Variants in ACSL4 observed in about 807,000 individuals in gnomAD.
The protein encoded by ACSL4 is long-chain-fatty-acid--CoA ligase 4.
ACSL4 carries 9 observed loss-of-function variants against 49.1 expected under a neutral mutation model. That is an observed-to-expected ratio of 0.18 (90% CI 0.11 to 0.32). The LOEUF (loss-of-function observed/expected upper bound fraction) is 0.32. ACSL4 is among the 10% of genes least tolerant of loss of function. ACSL4 has a pLI of 1.00. For missense variants in ACSL4, 333 were observed against 493.7 expected (o/e 0.67, Z 3.08); for synonymous variants, 191 against 170.3 (o/e 1.12, Z -0.95).
chrX:109,656,502 A>G (rs759808219), intron 15 of ACSL4, among the ~76,000 whole-genome samples: 2 of 111,022 alleles, frequency 1.8e-5, no homozygotes, highest in South Asian at 7.6e-4. Flanking sequence ...ATCATCTTCT[A>G]TGGTTAGAGG....
chrX:109,721,258 C>T (rs1927527406), intron 1 of ACSL4, among the ~76,000 whole-genome samples: 1 of 112,302 alleles, frequency 8.9e-6, no homozygotes, highest in East Asian at 2.8e-4. Flanking sequence ...ACTAACATAT[C>T]CTGAAGCACA....
At position 109,644,251 on chromosome X, in the gene ACSL4, G is replaced by A. The variant is rs1243544576; in HGVS notation, c.1856-65C>T. 1.1e-5 allele frequency: 11 copies of A among 1,020,972 alleles called. No individual in the cohort carries two copies. The Admixed American group carries it at 1.5e-4, about 14-fold the overall frequency. 84.1% of individuals were successfully genotyped at this position (1,020,972 alleles called of 1,213,427 possible). A position where few individuals can be genotyped will look rare whatever the true frequency, so the allele number is the denominator to read the frequency against. On this transcript the variant is annotated intron_variant, in intron 15 of 15. Transcript: ENST00000672401. Reference sequence around the variant, plus strand: ...GGGAAAGAGACGAGAAAGGAGTGGGGACGGGGAAAGAAGGGGAAGGAGAAG... The same window carrying A: ...GGGAAAGAGACGAGAAAGGAGTGGGAACGGGGAAAGAAGGGGAAGGAGAAG...
At chrX:109,712,806 C>T (rs1393637090) in intron 1 of ACSL4, among the ~76,000 whole-genome samples, 1 of 110,825 alleles carries the variant, frequency 9.0e-6, no homozygotes, top group Non-Finnish European at 1.9e-5. Flanking sequence ...GAAACCTTGT[C>T]TGTACAAAAA....
chrX:109,703,825 G>T (rs929586955), intron 1 of ACSL4, among the ~76,000 whole-genome samples: 1 of 110,417 alleles, frequency 9.1e-6, no homozygotes, highest in Non-Finnish European at 1.9e-5. Context: ...CCAGCTATTC[G>T]GGAGGCTGAG....
At chrX:109,708,183 C>T (rs778648527) in intron 1 of ACSL4, among the ~76,000 whole-genome samples, 12 of 112,282 alleles carry the variant, frequency 1.1e-4, no homozygotes, top group Admixed American at 1.9e-4. Flanking sequence ...TGGGCTCAAG[C>T]GATCCATCTG....
At chrX:109,688,045 CAG>C (rs762262244) in intron 2 of ACSL4, among the ~76,000 whole-genome samples, 1 of 112,053 alleles carries the variant, frequency 8.9e-6, no homozygotes, top group East Asian at 2.8e-4. Flanking sequence ...CTCCCTGATG[CAG>C]AGAGACCACA....
intron 13 of ACSL4, among the ~76,000 whole-genome samples, chrX:109,662,837 T>A (rs978840219): frequency 9.0e-6 from 1 of 111,310 alleles, no homozygotes; most frequent in South Asian, 3.7e-4. Context: ...AACAGTTATA[T>A]AAAATCACAT....
chrX:109,726,880 GTTTT>G (rs1294898010), intron 1 of ACSL4, among the ~76,000 whole-genome samples: 2 of 104,428 alleles, frequency 1.9e-5, no homozygotes, highest in Non-Finnish European at 3.9e-5. Context: ...TTGTTGTTTT[GTTTT>G]TTTTGTTTTT....
chrX:109,726,148 G>A (rs748289736), intron 1 of ACSL4, among the ~76,000 whole-genome samples: 9 of 112,412 alleles, frequency 8.0e-5, no homozygotes, highest in South Asian at 7.3e-4. Flanking sequence ...GGCTTAGCAC[G>A]GTGGCTCACG....
intron 1 of ACSL4, among the ~76,000 whole-genome samples, chrX:109,710,499 G>A (rs1232874648): frequency 9.0e-6 from 1 of 111,645 alleles, no homozygotes; most frequent in Non-Finnish European, 1.9e-5. Context: ...CCAATTTCTA[G>A]AATCTAGATT....
intron 1 of ACSL4, among the ~76,000 whole-genome samples, chrX:109,696,713 T>G (rs1460683025): frequency 8.9e-6 from 1 of 112,956 alleles, no homozygotes; most frequent in Non-Finnish European, 1.9e-5. Flanking sequence ...TTTTTCAATT[T>G]GTAAACACAT....
intron 1 of ACSL4, among the ~76,000 whole-genome samples, chrX:109,720,331 A>G (rs976794279): frequency 1.8e-5 from 2 of 110,854 alleles, no homozygotes; most frequent in Non-Finnish European, 3.8e-5. Flanking sequence ...CTCAAAAAAA[A>G]AAAAGCTACT....
chrX:109,650,435 C>G (rs1321671294), intron 15 of ACSL4, among the ~76,000 whole-genome samples: 5 of 103,029 alleles, frequency 4.9e-5, no homozygotes, highest in African/African-American at 1.8e-4. Context: ...GAACAAAAAA[C>G]CAAACACCGC....
At chrX:109,650,041 G>C (rs1202181048) in intron 15 of ACSL4, among the ~76,000 whole-genome samples, 2 of 111,273 alleles carry the variant, frequency 1.8e-5, no homozygotes, top group Non-Finnish European at 3.8e-5. Context: ...GTGCTGGAGA[G>C]GATGTCGAGA....
chrX:109,689,988 C>T (rs1456857225), intron 2 of ACSL4, among the ~76,000 whole-genome samples: 1 of 111,886 alleles, frequency 8.9e-6, no homozygotes, highest in Non-Finnish European at 1.9e-5. Context: ...AGTACAATAA[C>T]GTGAAGGTAG....
At chrX:109,652,667 T>G (rs934680731) in intron 15 of ACSL4, among the ~76,000 whole-genome samples, 1 of 111,205 alleles carries the variant, frequency 9.0e-6, no homozygotes, top group African/African-American at 3.3e-5. Flanking sequence ...CTAAAGAAAA[T>G]ACTATATATT....
intron 14 of ACSL4, among the ~76,000 whole-genome samples, chrX:109,660,044 G>A (rs1427930954): frequency 9.1e-6 from 1 of 109,738 alleles, no homozygotes; most frequent in African/African-American, 3.3e-5. Flanking sequence ...TATTTCTTGG[G>A]TGTGACACCA....
chrX:109,689,794 A>G (rs1488945934), intron 2 of ACSL4, among the ~76,000 whole-genome samples: 1 of 110,915 alleles, frequency 9.0e-6, no homozygotes, highest in East Asian at 2.8e-4. Context: ...ACCATGTTTT[A>G]TTTTTCATGT....
At chrX:109,683,474 G>C in intron 2 of ACSL4, 99 bp from the exon 3 acceptor site, 1 of 1,206,725 alleles carries the variant, frequency 8.3e-7, no homozygotes. Context: ...AGCACATTTA[G>C]CTTAAGTTTC....
Sources: allele counts gnomAD v4.1 joint callset (sites outside exome capture counted in the v4.1 genomes callset), GRCh38; gene constraint gnomAD v4.1.1; transcripts MANE v1.5; gene names NCBI Gene and HGNC (gene_info 2026-07-23, HGNC 2026-07-21).